Variants in MGA observed in about 807,000 individuals in gnomAD.
MGA encodes the protein MAX dimerization protein MGA, also known as MAX gene-associated protein.
Under a neutral mutation model 261.1 loss-of-function variants are expected in MGA, and 40 were observed. The ratio of observed to expected loss-of-function variants is 0.15; its 90% confidence interval spans 0.12 to 0.20. The LOEUF is 0.20. Ranked by LOEUF, MGA falls within the 10% of genes least tolerant of loss-of-function variation. The pLI is 1.00. For synonymous variants in MGA, 1,302 were observed against 1,290.6 expected, an observed-to-expected ratio of 1.01 and a Z score of -0.19; for missense variants, 3,397 against 3,630.5, an observed-to-expected ratio of 0.94 and a Z score of 1.65.
At chr15:41,678,485 G>T (rs1274721185) in intron 2 of MGA, among the ~76,000 whole-genome samples, 1 of 151,442 alleles carries the variant, frequency 6.6e-6, no homozygotes, top group Non-Finnish European at 1.5e-5. Context: ...GACTGTCCTG[G>T]CCGGGTGCTG....
Position 41,754,535 on chromosome 15 carries a change from C to A in MGA, c.7107C>A (p.Thr2369=). ...AAATTAATGTTGCTCACCTGAAGAC[C>A]ACAGCGGCCCACACACAGTCATTCA... is the stretch of plus-strand genomic sequence containing the variant. The change falls in exon 18 of 24, where the codon ACC becomes ACA. Residue 2369 remains threonine, a synonymous_variant. Coordinates refer to ENST00000219905, the MANE Select transcript of MGA (RefSeq NM_001164273.2). The A allele has an allele frequency of 6.3e-7, 1 of 1,588,494 alleles. No individual in the cohort carries two copies. The highest frequency in any genetic ancestry group is 1.3e-5 in the African/African-American group (1 of 74,626).
intron 11 of MGA, among the ~76,000 whole-genome samples, chr15:41,733,057 C>G (rs978414010): frequency 6.6e-6 from 1 of 152,144 alleles, no homozygotes; most frequent in Non-Finnish European, 1.5e-5. Context: ...CTCTGGGGTT[C>G]AAGTGATTCT....
intron 9 of MGA, among the ~76,000 whole-genome samples, chr15:41,720,063 A>G (rs928608314): frequency 1.3e-5 from 2 of 152,218 alleles, no homozygotes; most frequent in African/African-American, 4.8e-5. Context: ...TATGTGAAAC[A>G]TGAAAAGCAG....
chr15:41,681,007 T>C lies in MGA; in HGVS notation c.1064+11049T>C, dbSNP rs2412624. Among the ~76,000 whole-genome samples, 582 of 152,298 alleles carry C rather than the reference T, an allele frequency of 3.8e-3. 3 individuals carry two copies. Among genetic ancestry groups the C allele is most frequent in the African/African-American group, 0.013 (560 of 41,566 alleles). On this transcript the variant is annotated intron_variant, in intron 2 of 23. Coordinates refer to ENST00000219905, the MANE Select transcript of MGA (RefSeq NM_001164273.2). ...GTCATGTCATTAGCTTAAACTCAGG[T>C]GTGAGCCAGTGGGTTCATGAATGAC...
At chr15:41,740,463 G>A (rs1595927970) in intron 14 of MGA, among the ~76,000 whole-genome samples, 1 of 151,900 alleles carries the variant, frequency 6.6e-6, no homozygotes, top group Admixed American at 6.6e-5. Context: ...TGACTTGAAG[G>A]CAAGTTTTAT....
chr15:41,732,388 T>C (rs1318348559), intron 11 of MGA, among the ~76,000 whole-genome samples: 2 of 152,198 alleles, frequency 1.3e-5, no homozygotes, highest in East Asian at 3.8e-4. Context: ...GACGTCGTGA[T>C]CCGCGCACCT....
rs772978344 is a variant in MGA at position 41,668,883 on chromosome 15, C to T, written c.-12C>T. 127 of 1,532,536 alleles carry T rather than the reference C, an allele frequency of 8.3e-5. No individual in the cohort carries two copies. The highest frequency in any genetic ancestry group is 1.1e-4 in the Non-Finnish European group (124 of 1,132,960). The allele number at this position is 1,532,536 out of a possible 1,614,324, so 94.9% of individuals were successfully genotyped here. A position where few individuals can be genotyped will look rare whatever the true frequency, so the allele number is the denominator to read the frequency against. The stretch of plus-strand genomic sequence containing the variant: ...TTACAGTTGTCTTACTACTGAGTTT[C>T]CTACTGAAATCATGGAGGAGAAACA... On this transcript the variant is annotated 5_prime_UTR_variant, in exon 2 of 24. Coordinates refer to ENST00000219905, the MANE Select transcript of MGA (RefSeq NM_001164273.2).
chr15:41,710,321 G>C (rs952408470), intron 7 of MGA, among the ~76,000 whole-genome samples: 1 of 152,182 alleles, frequency 6.6e-6, no homozygotes, highest in African/African-American at 2.4e-5. Flanking sequence ...CCCAAGACTA[G>C]AGAATGGATT....
chr15:41,687,223 C>T (rs2059016592), intron 2 of MGA, among the ~76,000 whole-genome samples: 2 of 151,966 alleles, frequency 1.3e-5, no homozygotes, highest in Non-Finnish European at 2.9e-5. Context: ...TGGACTAAGA[C>T]CCATGGATCA....
At position 41,760,656 on chromosome 15, in the gene MGA, T is replaced by C. The variant is rs534591830; in HGVS notation, c.7398+127T>C. The C allele has an allele frequency of 4.6e-6, 4 of 860,278 alleles. No homozygotes were observed. In the East Asian group the frequency reaches 1.1e-4, roughly 23 times the overall value. The allele number at this position is 860,278 out of a possible 1,614,324, so 53.3% of individuals were successfully genotyped here. ...GCTGCTTAAATGTAACAGATGAATA[T>C]GGACTAGTGAATGCCCAGTAAATCC... is the stretch of plus-strand genomic sequence containing the variant. On this transcript the variant is annotated intron_variant, in intron 20 of 23. Transcript: ENST00000219905.
At chr15:41,665,476 T>C (rs2057675657) in intron 1 of MGA, among the ~76,000 whole-genome samples, 1 of 151,750 alleles carries the variant, frequency 6.6e-6, no homozygotes, top group South Asian at 2.1e-4. Flanking sequence ...AGCCTTGGCC[T>C]CCCCACCCCC....
rs572577876 is a variant in MGA at position 41,766,278 on chromosome 15, C to T, written c.8196C>T (p.Asp2732=). Residue 2732 remains aspartate (D), a synonymous_variant, in exon 24 of 24, where the codon GAC becomes GAT. Coordinates refer to ENST00000219905, the MANE Select transcript of MGA (RefSeq NM_001164273.2). ...ATTCTGGTTATCCACAAATAGTTGA[C>T]GTTTCCAATATGCAGAAAGCACAAG... 38 of 1,613,894 alleles carry T rather than the reference C, an allele frequency of 2.4e-5. No individual in the cohort carries two copies. Among genetic ancestry groups the T allele is most frequent in the Admixed American group, 1.2e-4 (7 of 60,008 alleles).
At chr15:41,632,442 G>C (rs1173322259) in intron 1 of MGA, among the ~76,000 whole-genome samples, 1 of 152,174 alleles carries the variant, frequency 6.6e-6, no homozygotes, top group East Asian at 1.9e-4. Flanking sequence ...TCCCCCAGCA[G>C]AACCAAGAAG....
intron 1 of MGA, among the ~76,000 whole-genome samples, chr15:41,631,007 G>C (rs2056576289): frequency 6.6e-6 from 1 of 152,114 alleles, no homozygotes; most frequent in African/African-American, 2.4e-5. Context: ...TATTGTATGA[G>C]GTACAGTGTG....
In MGA at chr15:41,669,835, A is replaced by G. The variant is rs372346047; in HGVS notation, c.941A>G (p.His314Arg). Residue 314 changes from histidine to arginine, a missense_variant, in exon 2 of 24, where the codon CAT becomes CGT. His to Arg is a conservative substitution (Grantham distance 29). Coordinates refer to ENST00000219905, the MANE Select transcript of MGA (RefSeq NM_001164273.2). The stretch of plus-strand genomic sequence containing the variant: ...GATTTGGATCCTTTGTCAAGGGGTC[A>G]TGAAACATCAGGCAAGGGTTTGGAG... 3.7e-6 allele frequency: 6 copies of G among 1,613,906 alleles called. No homozygotes were observed. The highest frequency in any genetic ancestry group is 5.1e-6 in the Non-Finnish European group (6 of 1,179,894).
intron 1 of MGA, among the ~76,000 whole-genome samples, chr15:41,654,448 C>A (rs1352028548): frequency 1.3e-5 from 2 of 151,890 alleles, no homozygotes; most frequent in African/African-American, 2.4e-5. Context: ...TTATGATGGT[C>A]CTCTAAATAC....
At chr15:41,719,539 A>C (rs559702237) in intron 9 of MGA, among the ~76,000 whole-genome samples, 1 of 152,146 alleles carries the variant, frequency 6.6e-6, no homozygotes, top group African/African-American at 2.4e-5. Context: ...TCAGGAGTTC[A>C]TGACCAGCCT....
Position 41,698,844 on chromosome 15 carries a change from T to C in MGA, c.2014-19T>C, listed in dbSNP as rs2059684073. ...AGAAGCAATATGAACTACTATTTTT[T>C]TTTTTTTTTGATGTATAGGAAGCTC... On this transcript the variant is annotated intron_variant, in intron 3 of 23. Transcript: ENST00000219905. 2 of 1,504,858 alleles carry C rather than the reference T, an allele frequency of 1.3e-6. No individual in the cohort carries two copies. The highest frequency in any genetic ancestry group is 1.8e-6 in the Non-Finnish European group (2 of 1,128,662). 93.2% of individuals were successfully genotyped at this position (1,504,858 alleles called of 1,614,324 possible).
At chr15:41,726,775 T>C (rs191776635) in intron 9 of MGA, among the ~76,000 whole-genome samples, 2 of 152,118 alleles carry the variant, frequency 1.3e-5, no homozygotes, top group East Asian at 3.9e-4. Flanking sequence ...TCTCTGACCC[T>C]AAATATAATG....
Sources: gnomAD v4.1 joint callset for allele counts (sites outside exome capture counted in the v4.1 genomes callset) on GRCh38, gnomAD v4.1.1 for gene constraint, MANE v1.5 for transcripts, NCBI Gene and HGNC (gene_info 2026-07-23, HGNC 2026-07-21) for gene names.